The following GPC6 variants were observed in gnomAD, a reference collection of about 807,000 sequenced individuals.
GPC6 encodes the protein glypican 6.
A neutral mutation model predicts 55.2 loss-of-function variants in GPC6; 14 were observed. That is an observed-to-expected ratio of 0.25 (90% CI 0.17 to 0.40). The LOEUF (loss-of-function observed/expected upper bound fraction) is 0.40, where lower values mean the gene tolerates loss of function less well. Among genes scored for constraint, GPC6 ranks in the 10% least tolerant of loss-of-function variants. The pLI is 1.00. For missense variants in GPC6, 641 were observed against 708.5 expected, an observed-to-expected ratio of 0.90 and a Z score of 1.08; for synonymous variants, 278 against 259.6, an observed-to-expected ratio of 1.07 and a Z score of -0.68.
At chr13:93,370,572 CA>C (rs1881412381) in intron 1 of GPC6, among the ~76,000 whole-genome samples, 2 of 152,032 alleles carry the variant, frequency 1.3e-5, no homozygotes, top group Non-Finnish European at 2.9e-5. Context: ...TCAGTTAATT[CA>C]GGGGTTCCAT....
At chr13:94,335,294 T>C (rs906595843) in intron 6 of GPC6, among the ~76,000 whole-genome samples, 5 of 152,200 alleles carry the variant, frequency 3.3e-5, no homozygotes, top group Non-Finnish European at 7.4e-5. Flanking sequence ...GGATAGGATA[T>C]GCTGAATGTC....
chr13:94,195,389 C>T (rs1170866723), intron 4 of GPC6, among the ~76,000 whole-genome samples: 4 of 152,170 alleles, frequency 2.6e-5, no homozygotes, highest in African/African-American at 9.7e-5. Flanking sequence ...ACCAGAGATG[C>T]TTGCAGTCCT....
chr13:93,740,273 G>A (rs1884156779), intron 2 of GPC6, among the ~76,000 whole-genome samples: 1 of 143,810 alleles, frequency 7.0e-6, no homozygotes, highest in Non-Finnish European at 1.5e-5. Flanking sequence ...AAGAAGTTTT[G>A]TGCAGTAAAA....
At chr13:93,659,138 C>A (rs1438940772) in intron 2 of GPC6, among the ~76,000 whole-genome samples, 1 of 151,696 alleles carries the variant, frequency 6.6e-6, no homozygotes, top group Non-Finnish European at 1.5e-5. Flanking sequence ...TTGTCATATT[C>A]GTTAGTATAA....
intron 3 of GPC6, among the ~76,000 whole-genome samples, chr13:93,905,731 G>A (rs898514111): frequency 7.9e-5 from 12 of 152,152 alleles, no homozygotes; most frequent in African/African-American, 2.7e-4. Flanking sequence ...CCAATTTGAA[G>A]GATCAGGTTT....
At chr13:93,619,723 G>A (rs1328530611) in intron 2 of GPC6, among the ~76,000 whole-genome samples, 3 of 152,122 alleles carry the variant, frequency 2.0e-5, no homozygotes, top group African/African-American at 4.8e-5. Flanking sequence ...TTGGATTATA[G>A]GCATGAGCCC....
At chr13:93,734,978 C>T (rs1207713803) in intron 2 of GPC6, among the ~76,000 whole-genome samples, 1 of 151,980 alleles carries the variant, frequency 6.6e-6, no homozygotes, top group Non-Finnish European at 1.5e-5. Context: ...AATGAGTAGA[C>T]CTTAAATCTT....
At chr13:93,857,920 T>C (rs1888677059) in intron 3 of GPC6, among the ~76,000 whole-genome samples, 3 of 151,546 alleles carry the variant, frequency 2.0e-5, no homozygotes, top group Admixed American at 2.0e-4. Context: ...CCATAGATAA[T>C]GGGGAAGAGG....
intron 2 of GPC6, among the ~76,000 whole-genome samples, chr13:93,560,083 C>G (rs780547721): frequency 2.6e-5 from 4 of 152,108 alleles, no homozygotes; most frequent in Non-Finnish European, 5.9e-5. Context: ...CAACAGTCTT[C>G]TGATTGAGTT....
At chr13:94,362,749 A>G (rs896620614) in intron 6 of GPC6, among the ~76,000 whole-genome samples, 1 of 152,230 alleles carries the variant, frequency 6.6e-6, no homozygotes, top group Non-Finnish European at 1.5e-5. Flanking sequence ...GATGCAATTT[A>G]TAATCTCAAA....
At chr13:93,518,039 G>T (rs1472879213) in intron 1 of GPC6, among the ~76,000 whole-genome samples, 1 of 151,914 alleles carries the variant, frequency 6.6e-6, no homozygotes, top group South Asian at 2.1e-4. Context: ...CATCCAGGTA[G>T]TAGCTTCTTG....
intron 2 of GPC6, among the ~76,000 whole-genome samples, chr13:93,546,446 C>G (rs959805905): frequency 1.3e-5 from 2 of 152,148 alleles, no homozygotes; most frequent in Non-Finnish European, 2.9e-5. Flanking sequence ...CTCAAAGTTA[C>G]GGAAGACAGG....
At chr13:93,780,178 A>AT (rs1030100337) in intron 2 of GPC6, among the ~76,000 whole-genome samples, 13 of 152,122 alleles carry the variant, frequency 8.5e-5, no homozygotes, top group South Asian at 2.1e-4. Context: ...TAAAAAAAGC[A>AT]TTTTTTTCCG....
At chr13:94,302,825 A>G (rs1935390482) in intron 5 of GPC6, among the ~76,000 whole-genome samples, 1 of 152,180 alleles carries the variant, frequency 6.6e-6, no homozygotes, top group Admixed American at 6.5e-5. Context: ...CACAGATTCC[A>G]AGGAATGGAA....
At chr13:94,347,664 C>G (rs9556364) in intron 6 of GPC6, among the ~76,000 whole-genome samples, 26,756 of 152,048 alleles carry the variant, frequency 0.18, 2,507 homozygotes, top group Admixed American at 0.23. Context: ...GAAGTAAGGT[C>G]TTTCCTTTTG....
intron 4 of GPC6, among the ~76,000 whole-genome samples, chr13:94,065,434 C>G (rs1884483823): frequency 6.6e-6 from 1 of 152,110 alleles, no homozygotes; most frequent in African/African-American, 2.4e-5. Flanking sequence ...GGAGGTCTTG[C>G]ATGGTATTCC....
intron 1 of GPC6, among the ~76,000 whole-genome samples, chr13:93,503,370 G>A (rs1015170924): frequency 3.9e-5 from 6 of 152,216 alleles, no homozygotes; most frequent in African/African-American, 1.4e-4. Flanking sequence ...TAAAGGACCA[G>A]ACAGTAAATA....
chr13:93,442,830 C>A (rs1421693433), intron 1 of GPC6, among the ~76,000 whole-genome samples: 51 of 144,618 alleles, frequency 3.5e-4, no homozygotes, highest in Admixed American at 3.5e-3. Context: ...ATCAGAGGGA[C>A]ATTCTCAGTT....
At chr13:93,982,110 G>T (rs1225341285) in intron 3 of GPC6, among the ~76,000 whole-genome samples, 1 of 152,172 alleles carries the variant, frequency 6.6e-6, no homozygotes, top group East Asian at 1.9e-4. Context: ...AACAAGAGCA[G>T]AATCATTTGT....
Sources: gnomAD v4.1 joint callset for allele counts (sites outside exome capture counted in the v4.1 genomes callset) on GRCh38, gnomAD v4.1.1 for gene constraint, MANE v1.5 for transcripts, NCBI Gene and HGNC (gene_info 2026-07-23, HGNC 2026-07-21) for gene names.